SLC24A2: variants seen among roughly 807,000 people sequenced by gnomAD.
SLC24A2 encodes solute carrier family 24 member 2.
In SLC24A2, 36 loss-of-function variants were observed where a neutral mutation model predicts 62.0. That is an observed-to-expected ratio of 0.58 (90% CI 0.44 to 0.77). The LOEUF (loss-of-function observed/expected upper bound fraction) is 0.77. SLC24A2 is among the 30% of genes least tolerant of loss of function. SLC24A2 has a pLI of 0.00. For missense variants in SLC24A2, 846 were observed against 817.9 expected (o/e 1.03, Z -0.42); for synonymous variants, 358 against 294.0 (o/e 1.22, Z -2.23).
rs1289801805 is a variant in SLC24A2, at chr9:19,509,963, A to G, written c.*6190T>C. On this transcript the variant is annotated 3_prime_UTR_variant, in exon 11 of 11. Transcript: ENST00000341998. ...CAAAAGGATATAAACACACTGCAGT[A>G]CTGGTTAATAAGTGGAGATCCAATC... 1.3e-5 allele frequency: 2 copies of G among 152,234 alleles called. No individual in the cohort carries two copies. The highest frequency in any genetic ancestry group is 2.9e-5 in the Non-Finnish European group (2 of 68,036). 9.4% of individuals were successfully genotyped at this position (152,234 alleles called of 1,614,324 possible).
chr9:19,576,938 G>A lies in SLC24A2; in HGVS notation c.1214C>T (p.Ala405Val), dbSNP rs1436057101. The change falls in exon 6 of 11, where the codon GCT becomes GTT. Residue 405 changes from alanine (A) to valine (V), a missense_variant. Ala to Val is a moderately conservative substitution (Grantham distance 64). Transcript: ENST00000341998. The stretch of plus-strand genomic sequence containing the variant: ...CCTGCACTCACCCACGTGGTTGGCA[G>A]CCCCATTCTGCCTCTCGTTCTCATC... ...HVDENERQNG[A>V]ANHVEKIELP... 1.9e-6 allele frequency: 3 copies of A among 1,613,220 alleles called. No homozygotes were observed. Among genetic ancestry groups the A allele is most frequent in the Non-Finnish European group, 2.5e-6 (3 of 1,179,242 alleles).
the SLC24A2 span, among the ~76,000 whole-genome samples, chr9:20,009,412 G>A: frequency 4.2e-4 from 63 of 150,874 alleles, no homozygotes; most frequent in African/African-American, 1.4e-3. Flanking sequence ...AAAAGCGGGC[G>A]GGTGATAGAG....
chr9:19,550,984 C>T (rs1398617123), intron 7 of SLC24A2, among the ~76,000 whole-genome samples: 1 of 152,094 alleles, frequency 6.6e-6, no homozygotes, highest in Non-Finnish European at 1.5e-5. Context: ...TGGTAACATT[C>T]CAAGCCCTCT....
chr9:19,535,060 A>G (rs199766769), intron 8 of SLC24A2, among the ~76,000 whole-genome samples: 6 of 152,214 alleles, frequency 3.9e-5, no homozygotes, highest in Non-Finnish European at 8.8e-5. Context: ...TCTAACTGGT[A>G]TGAGATAGTA....
chr9:20,181,181 C>T, the SLC24A2 span, among the ~76,000 whole-genome samples: 1 of 151,694 alleles, frequency 6.6e-6, no homozygotes, highest in Non-Finnish European at 1.5e-5. Context: ...AATCCTAGTT[C>T]TTACAATCTA....
At chr9:20,281,309 T>C in the SLC24A2 span, among the ~76,000 whole-genome samples, 1 of 152,176 alleles carries the variant, frequency 6.6e-6, no homozygotes, top group East Asian at 1.9e-4. Flanking sequence ...ACTATAAACT[T>C]TTTATACTTT....
chr9:19,728,163 C>T (rs1821227801), intron 2 of SLC24A2, among the ~76,000 whole-genome samples: 1 of 152,130 alleles, frequency 6.6e-6, no homozygotes, highest in Admixed American at 6.6e-5. Flanking sequence ...AAGGCTGTGC[C>T]CTTTCTAAGA....
the SLC24A2 span, among the ~76,000 whole-genome samples, chr9:20,267,592 C>T: frequency 4.3e-4 from 66 of 152,302 alleles, no homozygotes; most frequent in African/African-American, 1.5e-3. Context: ...GCATTGGATG[C>T]CTCACCTTTT....
the SLC24A2 span, among the ~76,000 whole-genome samples, chr9:19,811,385 G>T: frequency 6.6e-6 from 1 of 152,180 alleles, no homozygotes; most frequent in Non-Finnish European, 1.5e-5. Context: ...ATTTATTTCA[G>T]TTACATTACT....
the SLC24A2 span, among the ~76,000 whole-genome samples, chr9:19,945,811 G>A: frequency 5.0e-4 from 76 of 152,312 alleles, no homozygotes; most frequent in South Asian, 1.2e-3. Context: ...CCATTACAGT[G>A]TGAATAAACT....
the SLC24A2 span, among the ~76,000 whole-genome samples, chr9:19,899,613 C>A: frequency 6.6e-6 from 1 of 152,082 alleles, no homozygotes; most frequent in South Asian, 2.1e-4. Flanking sequence ...AATGTTCTAC[C>A]ATGTAGTATT....
the SLC24A2 span, among the ~76,000 whole-genome samples, chr9:19,888,420 C>A: frequency 2.0e-5 from 3 of 152,202 alleles, no homozygotes; most frequent in East Asian, 5.8e-4. Context: ...AGAGTATGCA[C>A]CAAGCAACCC....
At chr9:20,250,371 G>T in the SLC24A2 span, among the ~76,000 whole-genome samples, 1 of 152,138 alleles carries the variant, frequency 6.6e-6, no homozygotes, top group African/African-American at 2.4e-5. Context: ...ATGACAATGA[G>T]CCCCCATCTG....
the SLC24A2 span, among the ~76,000 whole-genome samples, chr9:19,867,858 A>G: frequency 1.3e-5 from 2 of 152,184 alleles, no homozygotes; most frequent in Admixed American, 1.3e-4. Flanking sequence ...CAGTGAGCCA[A>G]GATTGCCCCA....
chr9:19,660,484 A>C (rs985061067), intron 2 of SLC24A2, among the ~76,000 whole-genome samples: 6 of 152,166 alleles, frequency 3.9e-5, no homozygotes, highest in African/African-American at 1.4e-4. Context: ...AAGTTCTCAA[A>C]ATATAGGAGG....
At chr9:19,870,447 A>G in the SLC24A2 span, among the ~76,000 whole-genome samples, 1 of 152,160 alleles carries the variant, frequency 6.6e-6, no homozygotes, top group Non-Finnish European at 1.5e-5. Context: ...TTTAGCTATT[A>G]TGAATAATGC....
the SLC24A2 span, among the ~76,000 whole-genome samples, chr9:20,128,935 T>C: frequency 1.3e-5 from 2 of 152,054 alleles, 1 homozygote; most frequent in South Asian, 4.1e-4. Context: ...ATTAAAAATA[T>C]ATAAAATGGA....
intron 2 of SLC24A2, among the ~76,000 whole-genome samples, chr9:19,663,148 C>T (rs1587117362): frequency 6.6e-6 from 1 of 152,314 alleles, no homozygotes; most frequent in African/African-American, 2.4e-5. Flanking sequence ...TTTAATTCTC[C>T]TGACACCCTG....
At chr9:20,224,869 C>G in the SLC24A2 span, among the ~76,000 whole-genome samples, 1 of 151,422 alleles carries the variant, frequency 6.6e-6, no homozygotes, top group Non-Finnish European at 1.5e-5. Flanking sequence ...ATTTCCACAG[C>G]TTGCCCTTGG....
Sources: gnomAD v4.1 joint callset for allele counts (sites outside exome capture counted in the v4.1 genomes callset) on GRCh38, gnomAD v4.1.1 for gene constraint, MANE v1.5 for transcripts, NCBI Gene and HGNC (gene_info 2026-07-23, HGNC 2026-07-21) for gene names.